DLGAP4: variants seen among roughly 807,000 people sequenced by gnomAD.
DLGAP4 encodes the protein DLG associated protein 4, also known as disks large-associated protein 4.
DLGAP4 carries 18 observed loss-of-function variants against 86.9 expected under a neutral mutation model. The ratio of observed to expected loss-of-function variants is 0.21; its 90% CI spans 0.14 to 0.31. The LOEUF (loss-of-function observed/expected upper bound fraction) is 0.31, where lower values mean the gene tolerates loss of function less well. DLGAP4 is among the 10% of genes least tolerant of loss of function. DLGAP4 has a pLI of 1.00. For missense variants in DLGAP4, 1,085 were observed against 1,362.6 expected, an observed-to-expected ratio of 0.80 and a Z score of 3.21; for synonymous variants, 548 against 574.3, an observed-to-expected ratio of 0.95 and a Z score of 0.65.
chr20:36,343,017 G>T (rs2065399340), intron 1 of DLGAP4, among the ~76,000 whole-genome samples: 1 of 152,180 alleles, frequency 6.6e-6, no homozygotes, highest in Non-Finnish European at 1.5e-5. Flanking sequence ...ACTGAGTGAG[G>T]GGGAGGGGAG....
chr20:36,462,357 CTG>C, intron 7 of DLGAP4: 1 of 1,379,056 alleles, frequency 7.3e-7, no homozygotes, highest in Non-Finnish European at 9.3e-7. Flanking sequence ...CCCTGCCCCT[CTG>C]TGCCCCCACA....
intron 1 of DLGAP4, among the ~76,000 whole-genome samples, chr20:36,348,421 T>C (rs2147384784): frequency 6.6e-6 from 1 of 152,312 alleles, no homozygotes; most frequent in East Asian, 1.9e-4. Flanking sequence ...TTACTTTCTT[T>C]TTTTTTTCTT....
chr20:36,376,467 T>C (rs376224227), intron 2 of DLGAP4, among the ~76,000 whole-genome samples: 1 of 151,950 alleles, frequency 6.6e-6, no homozygotes, highest in African/African-American at 2.4e-5. Flanking sequence ...CAAGACTCCA[T>C]CTCAAAATAT....
chr20:36,312,817 C>G (rs1026270067), intron 1 of DLGAP4, among the ~76,000 whole-genome samples: 2 of 152,066 alleles, frequency 1.3e-5, no homozygotes, highest in South Asian at 4.2e-4. Flanking sequence ...GATAAGCCTG[C>G]GGGGGCAGAC....
At chr20:36,361,009 G>A (rs1385390785) in intron 1 of DLGAP4, among the ~76,000 whole-genome samples, 3 of 151,948 alleles carry the variant, frequency 2.0e-5, no homozygotes, top group African/African-American at 4.8e-5. Context: ...GATTCGAGTC[G>A]TGGGGGCCAA....
At position 36,351,285 on chromosome 20, in the gene DLGAP4, A is replaced by C. The variant is rs141631132; in HGVS notation, c.-303-15760A>C. ...AAGAGGGGTCCCCAACCCTTGGGCC[A>C]TGACCAGTGCTGGTCCGTGGCCTGT... On this transcript the variant is annotated intron_variant, in intron 1 of 12. Coordinates refer to ENST00000339266, the MANE Select transcript of DLGAP4 (RefSeq NM_001365621.2). Among the ~76,000 whole-genome samples the C allele has an allele frequency of 5.0e-3, 758 of 152,322 alleles. 4 individuals are homozygous for C. The highest frequency in any genetic ancestry group is 0.017 in the African/African-American group (724 of 41,584).
chr20:36,436,443 AAGCCCCGCCTGCGTGGG>A, intron 4 of DLGAP4, 93 bp downstream of exon 4: 10 of 1,434,380 alleles, frequency 7.0e-6, no homozygotes, highest in South Asian at 1.5e-5. Context: ...GCATTAAAAT[AAGCCCCGCCTGCGTGGG>A]AGCCACGCCC....
chr20:36,429,422 T>TTTTA (rs2033070422), intron 2 of DLGAP4, among the ~76,000 whole-genome samples: 1 of 101,490 alleles, frequency 9.9e-6, no homozygotes. Context: ...TTTTTTTTTT[T>TTTTA]GAGACAGAGT....
At chr20:36,372,135 T>A (rs1179427813) in intron 2 of DLGAP4, among the ~76,000 whole-genome samples, 2 of 152,170 alleles carry the variant, frequency 1.3e-5, no homozygotes, top group African/African-American at 4.8e-5. Context: ...AAGAATAGCG[T>A]CCGAGGGTAG....
intron 7 of DLGAP4, among the ~76,000 whole-genome samples, chr20:36,478,031 A>G (rs909106627): frequency 6.6e-6 from 1 of 152,234 alleles, no homozygotes; most frequent in Non-Finnish European, 1.5e-5. Flanking sequence ...TTTCTCAAGA[A>G]GCTCCAGTGT....
chr20:36,457,241 C>T (rs1169123560), intron 7 of DLGAP4, among the ~76,000 whole-genome samples: 6 of 151,378 alleles, frequency 4.0e-5, no homozygotes, highest in Non-Finnish European at 8.8e-5. Flanking sequence ...TTTTTTAAGA[C>T]GGAGTCTCAC....
intron 7 of DLGAP4, among the ~76,000 whole-genome samples, chr20:36,457,932 T>C (rs565588229): frequency 7.3e-5 from 11 of 151,452 alleles, no homozygotes; most frequent in South Asian, 2.1e-4. Flanking sequence ...CACACCCGGA[T>C]TGAGTGAAGA....
At chr20:36,407,885 C>T (rs2032371172) in intron 2 of DLGAP4, among the ~76,000 whole-genome samples, 3 of 152,000 alleles carry the variant, frequency 2.0e-5, no homozygotes, top group Admixed American at 2.0e-4. Context: ...GGAAGCAGGG[C>T]AGCCAGGGGA....
At chr20:36,319,180 G>A (rs782797273) in intron 1 of DLGAP4, among the ~76,000 whole-genome samples, 3 of 152,028 alleles carry the variant, frequency 2.0e-5, no homozygotes, top group African/African-American at 7.2e-5. Flanking sequence ...TGATTGGAAA[G>A]GTGGGCATCT....
chr20:36,386,157 C>G (rs2031588731), intron 2 of DLGAP4, among the ~76,000 whole-genome samples: 2 of 152,178 alleles, frequency 1.3e-5, no homozygotes, highest in African/African-American at 4.8e-5. Context: ...CTTTCAGCAG[C>G]CCATGCAGCC....
chr20:36,355,813 C>A (rs868917499), intron 1 of DLGAP4, among the ~76,000 whole-genome samples: 51 of 152,204 alleles, frequency 3.4e-4, no homozygotes, highest in African/African-American at 1.2e-3. Context: ...GTTTTCATTT[C>A]TCCCATATAA....
At chr20:36,459,994 C>A (rs976387130) in intron 7 of DLGAP4, among the ~76,000 whole-genome samples, 1 of 152,214 alleles carries the variant, frequency 6.6e-6, no homozygotes, top group Non-Finnish European at 1.5e-5. Context: ...TGCCTTGGTC[C>A]AGTTTCTCTC....
At chr20:36,353,308 G>C (rs2030220296) in intron 1 of DLGAP4, among the ~76,000 whole-genome samples, 1 of 152,202 alleles carries the variant, frequency 6.6e-6, no homozygotes, top group African/African-American at 2.4e-5. Flanking sequence ...GTCCTGCTGG[G>C]ATGACTGAGA....
chr20:36,334,106 G>A (rs564243972), intron 1 of DLGAP4, among the ~76,000 whole-genome samples: 1 of 152,370 alleles, frequency 6.6e-6, no homozygotes, highest in Non-Finnish European at 1.5e-5. Flanking sequence ...GGCACCAGAA[G>A]CACAGCGGTG....
Sources: allele counts gnomAD v4.1 joint callset (sites outside exome capture counted in the v4.1 genomes callset), GRCh38; gene constraint gnomAD v4.1.1; transcripts MANE v1.5; gene names NCBI Gene and HGNC (gene_info 2026-07-23, HGNC 2026-07-21).